The following SLCO4A1 variants were observed in gnomAD, a reference collection of about 807,000 sequenced individuals.
SLCO4A1 encodes the protein solute carrier organic anion transporter family member 4A1, also known as colon organic anion transporter.
Under a neutral mutation model 64.6 loss-of-function variants are expected in SLCO4A1, and 51 were observed. That is an observed-to-expected ratio of 0.79 (90% CI 0.63 to 1.00). The LOEUF (loss-of-function observed/expected upper bound fraction) is 1.00, where lower values mean the gene tolerates loss of function less well. Among genes scored for constraint, SLCO4A1 ranks in the 50% least tolerant of loss-of-function variants. SLCO4A1 has a pLI of 0.00. For synonymous variants in SLCO4A1, 471 were observed against 444.9 expected, an observed-to-expected ratio of 1.06 and a Z score of -0.74; for missense variants, 919 against 980.5, an observed-to-expected ratio of 0.94 and a Z score of 0.84.
downstream of SLCO4A1, among the ~76,000 whole-genome samples, chr20:62,673,774 C>T (rs1220945338): frequency 9.7e-6 from 1 of 103,016 alleles, no homozygotes; most frequent in Non-Finnish European, 2.5e-5. Flanking sequence ...GAGGGGACGA[C>T]ACCCTGTAGC....
At chr20:62,679,848 C>T (rs1987749523) in intron 2 of SLCO4A1, among the ~76,000 whole-genome samples, 2 of 152,232 alleles carry the variant, frequency 1.3e-5, no homozygotes, top group South Asian at 4.1e-4. Context: ...TGGCTCAAAA[C>T]TCCTCTGTTA....
Position 62,667,867 on chromosome 20 carries a change from C to T in SLCO4A1, c.1595C>T (p.Ala532Val). 3 of 1,613,826 alleles carry T rather than the reference C, an allele frequency of 1.9e-6. No homozygotes were observed. The highest frequency in any genetic ancestry group is 2.5e-6 in the Non-Finnish European group (3 of 1,180,038). ...CTCATGTACTTCTCACTGTGCCACG[C>T]AGGGTGCCCTGCAGCCACGGAGACG... ...DGLMYFSLCH[A>V]GCPAATETNV... The change falls in exon 8 of 12, where the codon GCA becomes GTA. Residue 532 changes from alanine to valine, a missense_variant. By Grantham distance (64) the Ala-to-Val change is moderately conservative. Transcript: ENST00000217159.
chr20:62,655,658 G>A (rs933969565), intron 1 of SLCO4A1, among the ~76,000 whole-genome samples: 4 of 152,202 alleles, frequency 2.6e-5, no homozygotes, highest in Non-Finnish European at 5.9e-5. Context: ...GGTCTACATG[G>A]CTGCCGACTG....
At chr20:62,683,778 C>A (rs1335826568) in intron 2 of SLCO4A1, among the ~76,000 whole-genome samples, 12 of 152,202 alleles carry the variant, frequency 7.9e-5, no homozygotes, top group African/African-American at 2.2e-4. Flanking sequence ...TGTTCGCAAC[C>A]AAACACCGAC....
rs1177433538 is a variant in SLCO4A1, at chr20:62,644,523, G to C, written c.-97+1970G>C. 1.3e-5 allele frequency among the ~76,000 whole-genome samples: 2 copies of C among 152,380 alleles called. No homozygotes were observed. The highest frequency in any genetic ancestry group is 1.9e-4 in the East Asian group (1 of 5,188). ...GTGGATGGACATGCTCTCCTTGCTA[G>C]ACTAAGCCCAGAGAGGCCGGCTCTC... On this transcript the variant is annotated intron_variant, in intron 1 of 11. Coordinates refer to ENST00000217159, the MANE Select transcript of SLCO4A1 (RefSeq NM_016354.4). This position sits in a 1 kb window ranked among gnomAD's most constrained non-coding sequence, Gnocchi z 5.4.
chr20:62,673,450 C>T (rs562982420), downstream of SLCO4A1, among the ~76,000 whole-genome samples: 77 of 143,670 alleles, frequency 5.4e-4, 5 homozygotes, highest in African/African-American at 1.8e-3. Context: ...TGGGCAGTGC[C>T]GGCTTCCAGT....
downstream of SLCO4A1, among the ~76,000 whole-genome samples, chr20:62,688,393 A>G (rs1189877982): frequency 1.3e-5 from 2 of 152,070 alleles, no homozygotes; most frequent in South Asian, 2.1e-4. Context: ...CCGTGCACCA[A>G]TGACCCCACT....
chr20:62,662,236 G>T (rs577564378), intron 5 of SLCO4A1, among the ~76,000 whole-genome samples: 1 of 152,242 alleles, frequency 6.6e-6, no homozygotes, highest in Non-Finnish European at 1.5e-5. Context: ...TTAGGACCCT[G>T]ATAGACCCCC....
Position 62,660,771 on chromosome 20 carries a change from C to A in SLCO4A1, c.1009+238C>A, listed in dbSNP as rs192727244. 6.1e-3 allele frequency among the ~76,000 whole-genome samples: 923 copies of A among 152,328 alleles called. 4 individuals are homozygous for A. The highest frequency in any genetic ancestry group is 0.018 in the South Asian group (86 of 4,828). On this transcript the variant is annotated intron_variant, in intron 4 of 11. Transcript: ENST00000217159. Reference sequence around the variant, plus strand: ...CCCTCTGCCCCAGCGGCTTCTCCCCCTCAGGCCACGGAACAGGCTTGTCCC... The same window carrying A: ...CCCTCTGCCCCAGCGGCTTCTCCCCATCAGGCCACGGAACAGGCTTGTCCC...
chr20:62,655,345 C>G (rs993712614), intron 1 of SLCO4A1, among the ~76,000 whole-genome samples: 2 of 141,366 alleles, frequency 1.4e-5, no homozygotes, highest in African/African-American at 5.3e-5. Flanking sequence ...ACAGCAGCCC[C>G]GGGAAGGACC....
intron 1 of SLCO4A1, among the ~76,000 whole-genome samples, chr20:62,655,756 G>C (rs1286842128): frequency 6.6e-6 from 1 of 152,226 alleles, no homozygotes; most frequent in Admixed American, 6.5e-5. Context: ...ACGTGGCCCA[G>C]GAGGCTGCTT....
intron 2 of SLCO4A1, among the ~76,000 whole-genome samples, chr20:62,680,284 A>T (rs1987768506): frequency 6.6e-6 from 1 of 152,242 alleles, no homozygotes; most frequent in Admixed American, 6.5e-5. Context: ...CTACATAAAC[A>T]GCCATGTCAT....
chr20:62,675,138 G>A (rs1253586124), downstream of SLCO4A1, among the ~76,000 whole-genome samples: 1 of 152,222 alleles, frequency 6.6e-6, no homozygotes, highest in African/African-American at 2.4e-5. Flanking sequence ...CAGCATGTTC[G>A]CACAGGGCAC....
intron 2 of SLCO4A1, among the ~76,000 whole-genome samples, chr20:62,681,661 AC>A (rs1459904593): frequency 6.6e-6 from 1 of 152,210 alleles, no homozygotes; most frequent in Non-Finnish European, 1.5e-5. Flanking sequence ...CTTTGTGTGA[AC>A]AAGAGCTTAT....
chr20:62,674,532 G>GT (rs1231686518), downstream of SLCO4A1, among the ~76,000 whole-genome samples: 1 of 152,232 alleles, frequency 6.6e-6, no homozygotes. Context: ...ACCAAGGGTG[G>GT]TGCACCCTCT....
At chr20:62,660,971 A>G in intron 4 of SLCO4A1, 93 bp from the exon 5 acceptor site, 1 of 843,862 alleles carries the variant, frequency 1.2e-6, no homozygotes. Context: ...CAGACCGGGG[A>G]GGGGCAGAGG....
chr20:62,647,665 G>A (rs1467336510), intron 1 of SLCO4A1, among the ~76,000 whole-genome samples: 1 of 152,282 alleles, frequency 6.6e-6, no homozygotes, highest in African/African-American at 2.4e-5. Context: ...AGAGCGCTTT[G>A]CAGGGAGCCA....
intron 1 of SLCO4A1, among the ~76,000 whole-genome samples, chr20:62,655,254 G>T (rs1052556314): frequency 7.0e-6 from 1 of 143,696 alleles, no homozygotes; most frequent in African/African-American, 2.6e-5. Flanking sequence ...CTCCCAGGGT[G>T]GGGGCGGCAC....
At chr20:62,670,339 G>A (rs1987042410) in intron 11 of SLCO4A1, 1 of 152,258 alleles carries the variant, frequency 6.6e-6, no homozygotes, top group Non-Finnish European at 1.5e-5. Context: ...AGCGTGTCCA[G>A]GCTATTCATG....
Sources: gnomAD v4.1 joint callset for allele counts (sites outside exome capture counted in the v4.1 genomes callset) on GRCh38, gnomAD v4.1.1 for gene constraint, Gnocchi (gnomAD v3.1) non-coding constraint, MANE v1.5 for transcripts, NCBI Gene and HGNC (gene_info 2026-07-23, HGNC 2026-07-21) for gene names.